Variants in EHMT1 observed in about 807,000 individuals in gnomAD.
EHMT1 encodes euchromatic histone lysine methyltransferase 1.
A neutral mutation model predicts 147.2 loss-of-function variants in EHMT1; 15 were observed. That is an observed-to-expected ratio of 0.10 (90% CI 0.07 to 0.16). EHMT1 has a LOEUF of 0.16. Ranked by LOEUF, EHMT1 falls within the 10% of genes least tolerant of loss-of-function variation. The pLI is 1.00. For missense variants in EHMT1, 1,587 were observed against 1,772.4 expected, an observed-to-expected ratio of 0.90 and a Z score of 1.88; for synonymous variants, 795 against 709.6, an observed-to-expected ratio of 1.12 and a Z score of -1.91.
rs1481748789 is a variant in EHMT1 at position 137,834,886 on chromosome 9, C to T, written c.3830C>T (p.Ala1277Val). 1 of 1,607,826 alleles carries T rather than the reference C, an allele frequency of 6.2e-7. No individual in the cohort carries two copies. Among genetic ancestry groups the T allele is most frequent in the Non-Finnish European group, 8.5e-7 (1 of 1,177,870 alleles). Reference protein sequence around the residue: ...SAALAQRQASAAQEAQEDGLP... With the variant: ...SAALAQRQASVAQEAQEDGLP... ...GCCCTGGCCCAGCGTCAGGCCAGCGCGGCCCAGGAGGCCCAGGAGGACGGC... is the reference window on the plus strand; with the variant it reads ...GCCCTGGCCCAGCGTCAGGCCAGCGTGGCCCAGGAGGCCCAGGAGGACGGC... The change falls in exon 27 of 27, where the codon GCG (alanine) becomes GTG (valine). Residue 1277 changes from alanine to valine, a missense_variant. Transcript: ENST00000460843.
intron 3 of EHMT1, among the ~76,000 whole-genome samples, chr9:137,722,789 C>T (rs892418695): frequency 2.6e-5 from 4 of 152,186 alleles, no homozygotes; most frequent in Admixed American, 2.0e-4. Flanking sequence ...TATCTGTGGG[C>T]CCCACGGAGG....
At chr9:137,704,273 T>A (rs1279791903) in intron 1 of EHMT1, among the ~76,000 whole-genome samples, 1 of 152,146 alleles carries the variant, frequency 6.6e-6, no homozygotes, top group East Asian at 1.9e-4. Flanking sequence ...TGATGTGACC[T>A]CAGCTCTGCA....
At chr9:137,817,181 T>A (rs74636464) in intron 23 of EHMT1, 6 of 558,362 alleles carry the variant, frequency 1.1e-5, no homozygotes, top group South Asian at 5.7e-5. Flanking sequence ...ATGTTACAGA[T>A]GGGGACACCG....
chr9:137,803,526 ATG>A (rs1249935963), intron 18 of EHMT1, among the ~76,000 whole-genome samples: 1 of 152,116 alleles, frequency 6.6e-6, no homozygotes, highest in Non-Finnish European at 1.5e-5. Flanking sequence ...CATTGTGTGA[ATG>A]TGTCTGTTTA....
intron 9 of EHMT1, among the ~76,000 whole-genome samples, chr9:137,760,595 A>G (rs1949726801): frequency 6.6e-6 from 1 of 152,186 alleles, no homozygotes; most frequent in African/African-American, 2.4e-5. Context: ...TGGACCGTTC[A>G]CGTGCTTTTT....
At chr9:137,802,524 T>C (rs1487806521) in intron 18 of EHMT1, 1 of 398,510 alleles carries the variant, frequency 2.5e-6, no homozygotes, top group Non-Finnish European at 4.4e-6. Flanking sequence ...CTATTAAATC[T>C]CCAATGTGCT....
chr9:137,834,937 C>A lies in EHMT1; in HGVS notation c.3881C>A (p.Ala1294Asp). The change falls in exon 27 of 27, where the codon GCC becomes GAC. Residue 1294 changes from alanine (A) to aspartate (D), a missense_variant. Transcript: ENST00000460843. Reference protein sequence around the residue: ...DGLPDTSSAAAADPL With the variant: ...DGLPDTSSAADADPL ...TTGCCCGACACCAGCTCCGCGGCTG[C>A]CGCCGACCCCCTATGAGACGCCGCC... The A allele has an allele frequency of 6.6e-7, 1 of 1,514,508 alleles. No individual in the cohort carries two copies. The allele number at this position is 1,514,508 out of a possible 1,614,324, so 93.8% of individuals were successfully genotyped here.
intron 10 of EHMT1, 96 bp downstream of exon 10, chr9:137,762,916 T>A: frequency 6.4e-7 from 1 of 1,551,314 alleles, no homozygotes; most frequent in Admixed American, 1.7e-5. Context: ...TGAGTTGTGC[T>A]GCGTGACCAG....
intron 25 of EHMT1, among the ~76,000 whole-genome samples, chr9:137,825,201 C>G (rs1464971136): frequency 6.6e-6 from 1 of 152,196 alleles, no homozygotes; most frequent in African/African-American, 2.4e-5. Context: ...ACGCTGCCTT[C>G]CTCACATTCT....
intron 13 of EHMT1, among the ~76,000 whole-genome samples, chr9:137,779,350 G>A (rs1951200845): frequency 6.6e-6 from 1 of 152,258 alleles, no homozygotes; most frequent in African/African-American, 2.4e-5. Context: ...GTCGTGTTGT[G>A]TAAAAGCCTC....
chr9:137,731,566 T>A lies in EHMT1; in HGVS notation c.823+3037T>A, dbSNP rs1477617050. 6.6e-6 allele frequency among the ~76,000 whole-genome samples: 1 copy of A among 152,164 alleles called. No individual in the cohort carries two copies. Among genetic ancestry groups the A allele is most frequent in the Non-Finnish European group, 1.5e-5 (1 of 68,018 alleles). On this transcript the variant is annotated intron_variant, in intron 4 of 26. Coordinates refer to ENST00000460843, the MANE Select transcript of EHMT1 (RefSeq NM_024757.5). This position sits in a 1 kb window ranked among gnomAD's most constrained non-coding sequence, Gnocchi z 4.3. Reference sequence around the variant, plus strand: ...CAAAGGCCTTTTACAACAGTGTCCATACAGAGCAGGAATCGGGGTACGTCC... The same window carrying A: ...CAAAGGCCTTTTACAACAGTGTCCAAACAGAGCAGGAATCGGGGTACGTCC...
intron 17 of EHMT1, among the ~76,000 whole-genome samples, chr9:137,799,171 A>G (rs1564785465): frequency 7.5e-6 from 1 of 134,010 alleles, no homozygotes; most frequent in South Asian, 2.5e-4. Context: ...CCTCCACGGC[A>G]TCGCCTTCCA....
chr9:137,834,297 G>A, intron 25 of EHMT1, 52 bp from the exon 26 acceptor site: 2 of 1,606,766 alleles, frequency 1.2e-6, no homozygotes, highest in South Asian at 1.1e-5. Flanking sequence ...CGGCGAGGCC[G>A]GCGTGTCGGG....
chr9:137,733,347 A>C (rs1248526728), intron 4 of EHMT1, among the ~76,000 whole-genome samples: 1 of 152,246 alleles, frequency 6.6e-6, no homozygotes, highest in Non-Finnish European at 1.5e-5. Flanking sequence ...ATTTAAAAAC[A>C]ATCCTCGCAG....
chr9:137,700,144 A>T (rs933928557), intron 1 of EHMT1, among the ~76,000 whole-genome samples: 1 of 152,212 alleles, frequency 6.6e-6, no homozygotes, highest in East Asian at 1.9e-4. Flanking sequence ...GTATTTACCT[A>T]TAAAATACAT....
intron 1 of EHMT1, among the ~76,000 whole-genome samples, chr9:137,684,111 C>G (rs1440650184): frequency 6.6e-6 from 1 of 152,034 alleles, no homozygotes; most frequent in East Asian, 1.9e-4. Flanking sequence ...TCACGGCTCA[C>G]TGTAGCCTCG....
rs780690482 is a variant in EHMT1, at chr9:137,762,693, A to G, written c.1520A>G (p.Asp507Gly). ...SQAEGLANGP[D>G]VLETDGLQEV... Reference sequence around the variant, plus strand: ...ACGTTAGGGTTGGCCAACGGTCCAGATGTGCTGGAGACAGACGGCCTCCAG... The same window carrying G: ...ACGTTAGGGTTGGCCAACGGTCCAGGTGTGCTGGAGACAGACGGCCTCCAG... Residue 507 changes from aspartate (D) to glycine (G), a missense_variant, in exon 10 of 27, where the codon GAT (aspartate) becomes GGT (glycine). Transcript: ENST00000460843. The G allele has an allele frequency of 1.2e-6, 2 of 1,614,226 alleles. No homozygotes were observed. The highest frequency in any genetic ancestry group is 3.3e-4 in the Middle Eastern group (2 of 6,062).
chr9:137,717,654 G>A (rs1364442788), intron 3 of EHMT1, among the ~76,000 whole-genome samples: 4 of 151,256 alleles, frequency 2.6e-5, no homozygotes, highest in African/African-American at 7.3e-5. Context: ...TTGTGCGTGA[G>A]TGACAAAGCG....
At chr9:137,648,800 G>A (rs900817274) in intron 1 of EHMT1, among the ~76,000 whole-genome samples, 18 of 152,280 alleles carry the variant, frequency 1.2e-4, no homozygotes, top group African/African-American at 3.6e-4. Context: ...AATTCAGCTG[G>A]TTCATCAGAA....
Sources: allele counts gnomAD v4.1 joint callset (sites outside exome capture counted in the v4.1 genomes callset), GRCh38; gene constraint gnomAD v4.1.1; non-coding constraint Gnocchi (gnomAD v3.1); transcripts MANE v1.5; gene names NCBI Gene and HGNC (gene_info 2026-07-23, HGNC 2026-07-21).